Variants in UBXN2B observed in about 807,000 individuals in gnomAD.
The protein encoded by UBXN2B is UBX domain protein 2B, also known as UBX domain-containing protein 2B.
A neutral mutation model predicts 37.5 loss-of-function variants in UBXN2B; 19 were observed. The observed-to-expected ratio is 0.51, with a 90% confidence interval of 0.35 to 0.74. The LOEUF (loss-of-function observed/expected upper bound fraction) is 0.74, where lower values mean the gene tolerates loss of function less well. Among genes scored for constraint, UBXN2B ranks in the 30% least tolerant of loss-of-function variants. The pLI is 0.01. For missense variants in UBXN2B, 370 were observed against 393.2 expected (o/e 0.94, Z 0.50); for synonymous variants, 145 against 143.8 (o/e 1.01, Z -0.06).
intron 6 of UBXN2B, among the ~76,000 whole-genome samples, chr8:58,441,274 A>G (rs1207371090): frequency 6.6e-6 from 1 of 150,398 alleles, no homozygotes; most frequent in Non-Finnish European, 1.5e-5. Context: ...GGTTACAGGC[A>G]TGAGCCACTA....
chr8:58,436,497 A>G (rs1194104361), intron 5 of UBXN2B, among the ~76,000 whole-genome samples: 1 of 152,166 alleles, frequency 6.6e-6, no homozygotes, highest in African/African-American at 2.4e-5. Flanking sequence ...TCGACACTGA[A>G]TGACAGCAGT....
chr8:58,418,447 A>G (rs1191314726), intron 2 of UBXN2B, among the ~76,000 whole-genome samples: 3 of 152,176 alleles, frequency 2.0e-5, no homozygotes, highest in Non-Finnish European at 4.4e-5. Context: ...GCTCAGCTAC[A>G]TAATCTAAAA....
intron 2 of UBXN2B, among the ~76,000 whole-genome samples, chr8:58,422,831 C>G (rs565094078): frequency 6.6e-6 from 1 of 152,328 alleles, no homozygotes; most frequent in East Asian, 1.9e-4. Flanking sequence ...TGAAGACCCT[C>G]TCTTTATTTC....
intron 2 of UBXN2B, among the ~76,000 whole-genome samples, chr8:58,421,742 G>T (rs1807931627): frequency 6.6e-6 from 1 of 152,156 alleles, no homozygotes; most frequent in Non-Finnish European, 1.5e-5. Flanking sequence ...AACCTCATCT[G>T]AGAACCTGCA....
chr8:58,420,915 C>G (rs1394423479), intron 2 of UBXN2B, among the ~76,000 whole-genome samples: 1 of 152,226 alleles, frequency 6.6e-6, no homozygotes, highest in Non-Finnish European at 1.5e-5. Context: ...CTGACAAAGG[C>G]ATCCTGACAT....
chr8:58,439,877 G>A, intron 6 of UBXN2B, 107 bp downstream of exon 6: 2 of 1,027,274 alleles, frequency 1.9e-6, no homozygotes, highest in Admixed American at 5.9e-5. Flanking sequence ...TATGAACCAT[G>A]CACATTAGAT....
chr8:58,421,466 C>G (rs1235628991), intron 2 of UBXN2B, among the ~76,000 whole-genome samples: 1 of 151,966 alleles, frequency 6.6e-6, no homozygotes, highest in Non-Finnish European at 1.5e-5. Flanking sequence ...TTTTAAAACC[C>G]TCAGTGAGCT....
At chr8:58,424,899 G>C in intron 2 of UBXN2B, 1 of 981,498 alleles carries the variant, frequency 1.0e-6, no homozygotes, top group Non-Finnish European at 1.7e-6. Context: ...GGATAGTTTT[G>C]AGAACGTCAA....
At chr8:58,424,696 G>A (rs545673743) in intron 2 of UBXN2B, 6 of 1,328,040 alleles carry the variant, frequency 4.5e-6, no homozygotes, top group East Asian at 4.6e-5. Flanking sequence ...GCGGGGGGGG[G>A]GGCTCTGATC....
At chr8:58,423,684 C>G (rs949020892) in intron 2 of UBXN2B, among the ~76,000 whole-genome samples, 44 of 151,664 alleles carry the variant, frequency 2.9e-4, no homozygotes, top group African/African-American at 1.0e-3. Flanking sequence ...ATCCGCCAGC[C>G]TCGGCCTCCC....
At chr8:58,444,302 T>C (rs1183396327) in intron 6 of UBXN2B, among the ~76,000 whole-genome samples, 1 of 152,204 alleles carries the variant, frequency 6.6e-6, no homozygotes, top group East Asian at 1.9e-4. Flanking sequence ...GTGCCAACTA[T>C]ATAAAAGCAC....
At chr8:58,430,200 A>G (rs1417448852) in intron 2 of UBXN2B, among the ~76,000 whole-genome samples, 1 of 152,198 alleles carries the variant, frequency 6.6e-6, no homozygotes, top group Admixed American at 6.5e-5. Flanking sequence ...CTTCTACATC[A>G]GAAGTGCTGA....
chr8:58,446,111 A>G, intron 7 of UBXN2B, 43 bp downstream of exon 7: 1 of 1,535,352 alleles, frequency 6.5e-7, no homozygotes, highest in East Asian at 2.4e-5. Flanking sequence ...TGTTATATAC[A>G]CTGGATTGCT....
Position 58,425,526 on chromosome 8 carries a change from G to T in UBXN2B, c.189-4993G>T, listed in dbSNP as rs572010954. 33 of 1,089,836 alleles carry T rather than the reference G, an allele frequency of 3.0e-5. No individual in the cohort carries two copies. The African/African-American group carries it at 4.2e-4, about 14-fold the overall frequency. 67.5% of individuals were successfully genotyped at this position (1,089,836 alleles called of 1,614,324 possible). On this transcript the variant is annotated intron_variant, in intron 2 of 7. Transcript: ENST00000399598. Reference sequence around the variant, plus strand: ...CAACCCTGGTATGATCAAAGGGCAGGTTATTTTTATATCTATTTTTGTTTT... The same window carrying T: ...CAACCCTGGTATGATCAAAGGGCAGTTTATTTTTATATCTATTTTTGTTTT...
intron 1 of UBXN2B, among the ~76,000 whole-genome samples, chr8:58,414,545 C>T (rs140267467): frequency 2.0e-5 from 3 of 152,160 alleles, no homozygotes; most frequent in East Asian, 3.9e-4. Flanking sequence ...TTCTTAATTA[C>T]GTTTTGAGAT....
intron 5 of UBXN2B, among the ~76,000 whole-genome samples, chr8:58,435,799 T>C (rs1808398284): frequency 6.6e-6 from 1 of 152,130 alleles, no homozygotes; most frequent in Non-Finnish European, 1.5e-5. Flanking sequence ...ATGTACAAAT[T>C]ATGATCAATA....
chr8:58,419,361 C>T (rs1460529834), intron 2 of UBXN2B, among the ~76,000 whole-genome samples: 6 of 152,076 alleles, frequency 3.9e-5, no homozygotes, highest in South Asian at 2.1e-4. Flanking sequence ...CCTCCTTGGG[C>T]GGTATTTGAA....
At chr8:58,431,157 C>T (rs1386984111) in intron 3 of UBXN2B, among the ~76,000 whole-genome samples, 2 of 152,148 alleles carry the variant, frequency 1.3e-5, no homozygotes, top group African/African-American at 2.4e-5. Flanking sequence ...CAATACCAGT[C>T]GGGTTTTCAT....
At chr8:58,426,401 G>A (rs1043372661) in intron 2 of UBXN2B, 4 of 539,680 alleles carry the variant, frequency 7.4e-6, no homozygotes, top group Admixed American at 2.8e-5. Context: ...GTAGAGACGG[G>A]GTTTCACCAT....
Sources: allele counts gnomAD v4.1 joint callset (sites outside exome capture counted in the v4.1 genomes callset), GRCh38; gene constraint gnomAD v4.1.1; transcripts MANE v1.5; gene names NCBI Gene and HGNC (gene_info 2026-07-23, HGNC 2026-07-21).